The following ELMO1 variants were observed in gnomAD, a reference collection of about 807,000 sequenced individuals.
The protein encoded by ELMO1 is engulfment and cell motility protein 1.
ELMO1 carries 26 observed loss-of-function variants against 98.9 expected under a neutral mutation model. The ratio of observed to expected loss-of-function variants is 0.26; its 90% confidence interval spans 0.19 to 0.36. ELMO1 has a LOEUF of 0.36. Ranked by LOEUF, ELMO1 falls within the 10% of genes least tolerant of loss-of-function variation. The pLI is 1.00. For missense variants in ELMO1, 627 were observed against 935.2 expected (o/e 0.67, Z 4.30); for synonymous variants, 346 against 346.0 (o/e 1.00, Z 0.00).
In ELMO1 at chr7:37,248,077, G is replaced by A. The variant is rs1795110960; in HGVS notation, c.414-3686C>T. 2.0e-5 allele frequency among the ~76,000 whole-genome samples: 3 copies of A among 152,144 alleles called. No homozygotes were observed. In the South Asian group the frequency reaches 6.2e-4, roughly 32 times the overall value. ...CAGAGCACAGACATAACTCAGTGCT[G>A]AGTCACAGTGCTTCTTACTCCTCAA... is the stretch of plus-strand genomic sequence containing the variant. On this transcript the variant is annotated intron_variant, in intron 6 of 21. Transcript: ENST00000310758.
chr7:37,332,049 A>T (rs1399238754), intron 2 of ELMO1, among the ~76,000 whole-genome samples: 1 of 152,194 alleles, frequency 6.6e-6, no homozygotes, highest in Admixed American at 6.5e-5. Flanking sequence ...GCATCTCATG[A>T]TGATGAGGCT....
intron 19 of ELMO1, among the ~76,000 whole-genome samples, chr7:36,873,700 CA>C (rs1269952188): frequency 6.6e-6 from 1 of 152,232 alleles, no homozygotes; most frequent in Admixed American, 6.5e-5. Context: ...GCCAGCCCCC[CA>C]AATCATGCTG....
chr7:36,950,542 C>T (rs1432556072), intron 16 of ELMO1, among the ~76,000 whole-genome samples: 3 of 152,154 alleles, frequency 2.0e-5, no homozygotes, highest in Non-Finnish European at 4.4e-5. Flanking sequence ...TTTCATGGCG[C>T]CAGGCAATTT....
At position 36,985,550 on chromosome 7, in the gene ELMO1, G is replaced by A. The variant is rs148948532; in HGVS notation, c.1437+27749C>T. Reference sequence around the variant, plus strand: ...ACACAATCAAGCGGCTCCGGGCTCCGTGCCTGCACCTTTTTCTCTCTTCCT... The same window carrying A: ...ACACAATCAAGCGGCTCCGGGCTCCATGCCTGCACCTTTTTCTCTCTTCCT... On this transcript the variant is annotated intron_variant, in intron 16 of 21. Coordinates refer to ENST00000310758, the MANE Select transcript of ELMO1 (RefSeq NM_014800.11). Among the ~76,000 whole-genome samples the A allele has an allele frequency of 1.7e-3, 260 of 152,206 alleles. 2 individuals are homozygous for A. Among genetic ancestry groups the A allele is most frequent in the African/African-American group, 5.9e-3 (243 of 41,516 alleles).
chr7:37,081,094 T>G (rs1797844019), intron 15 of ELMO1, among the ~76,000 whole-genome samples: 1 of 152,226 alleles, frequency 6.6e-6, no homozygotes. Context: ...AGTAGTCAGA[T>G]TATTTCACTG....
At chr7:37,031,573 T>G (rs537468050) in intron 15 of ELMO1, among the ~76,000 whole-genome samples, 1 of 152,308 alleles carries the variant, frequency 6.6e-6, no homozygotes. Context: ...GCCCATTCTC[T>G]ATAGGCTGAG....
chr7:37,245,291 T>A (rs1438756185), intron 6 of ELMO1, among the ~76,000 whole-genome samples: 1 of 152,186 alleles, frequency 6.6e-6, no homozygotes, highest in Non-Finnish European at 1.5e-5. Context: ...CATCTCACTG[T>A]CCTTCTAGCT....
chr7:36,971,978 G>A (rs958411240), intron 16 of ELMO1, among the ~76,000 whole-genome samples: 1 of 152,092 alleles, frequency 6.6e-6, no homozygotes, highest in Non-Finnish European at 1.5e-5. Flanking sequence ...GGACCATGCG[G>A]GCTTTCTTTC....
chr7:37,037,239 C>T (rs1242201731), intron 15 of ELMO1, among the ~76,000 whole-genome samples: 3 of 152,276 alleles, frequency 2.0e-5, no homozygotes, highest in East Asian at 3.9e-4. Context: ...TGAAGAAGTT[C>T]CTCAAGTGAG....
At chr7:37,079,652 T>C (rs748757715) in intron 15 of ELMO1, among the ~76,000 whole-genome samples, 2 of 152,146 alleles carry the variant, frequency 1.3e-5, no homozygotes, top group Non-Finnish European at 2.9e-5. Flanking sequence ...TAAAAATCAA[T>C]GGTCAGTTCT....
At chr7:37,055,577 C>T (rs1796349791) in intron 15 of ELMO1, among the ~76,000 whole-genome samples, 1 of 152,194 alleles carries the variant, frequency 6.6e-6, no homozygotes, top group Non-Finnish European at 1.5e-5. Flanking sequence ...CCCCAATCAG[C>T]TTGTGAGTCA....
intron 1 of ELMO1, among the ~76,000 whole-genome samples, chr7:37,387,706 T>A (rs1370853894): frequency 6.6e-6 from 1 of 152,248 alleles, no homozygotes; most frequent in Non-Finnish European, 1.5e-5. Context: ...ACCAGATGTC[T>A]GTTCCACTCG....
At chr7:37,006,815 C>T (rs17170827) in intron 16 of ELMO1, among the ~76,000 whole-genome samples, 45,933 of 152,048 alleles carry the variant, frequency 0.3, 9,170 homozygotes, top group African/African-American at 0.57. Flanking sequence ...CTGTTATTAA[C>T]ACATATCTGT....
chr7:37,113,177 G>A (rs1008800100), intron 14 of ELMO1, among the ~76,000 whole-genome samples: 1 of 152,198 alleles, frequency 6.6e-6, no homozygotes, highest in Non-Finnish European at 1.5e-5. Context: ...CCATCCATGG[G>A]GTGAATCCTG....
intron 16 of ELMO1, among the ~76,000 whole-genome samples, chr7:36,898,699 T>C (rs1426294817): frequency 6.6e-6 from 1 of 152,208 alleles, no homozygotes; most frequent in Non-Finnish European, 1.5e-5. Context: ...CCTTGTCTAA[T>C]CACTTCTCCC....
At chr7:37,128,722 A>G (rs897202570) in intron 14 of ELMO1, among the ~76,000 whole-genome samples, 4 of 152,212 alleles carry the variant, frequency 2.6e-5, no homozygotes, top group Non-Finnish European at 5.9e-5. Flanking sequence ...AGCATTTATC[A>G]TGGTCAAGAG....
At chr7:36,983,506 C>T (rs918591171) in intron 16 of ELMO1, among the ~76,000 whole-genome samples, 2 of 152,264 alleles carry the variant, frequency 1.3e-5, no homozygotes, top group East Asian at 1.9e-4. Context: ...ACAAGTACAT[C>T]GACATGCATG....
At chr7:37,250,648 C>T (rs1411877591) in intron 6 of ELMO1, among the ~76,000 whole-genome samples, 1 of 151,912 alleles carries the variant, frequency 6.6e-6, no homozygotes, top group African/African-American at 2.4e-5. Context: ...AAAAATTAGC[C>T]GGGTGTGGTG....
At chr7:37,331,792 T>C (rs1800140197) in intron 2 of ELMO1, among the ~76,000 whole-genome samples, 1 of 150,716 alleles carries the variant, frequency 6.6e-6, no homozygotes, top group Non-Finnish European at 1.5e-5. Flanking sequence ...AAAAAAAGAG[T>C]CTAAAAGACA....
Sources: gnomAD v4.1 joint callset for allele counts (sites outside exome capture counted in the v4.1 genomes callset) on GRCh38, gnomAD v4.1.1 for gene constraint, MANE v1.5 for transcripts, NCBI Gene and HGNC (gene_info 2026-07-23, HGNC 2026-07-21) for gene names.